NCL: variants seen among roughly 807,000 people sequenced by gnomAD.
NCL encodes the protein nucleolin multifunctional protein.
Under a neutral mutation model 77.7 loss-of-function variants are expected in NCL, and 4 were observed. That is an observed-to-expected ratio of 0.05 (90% CI 0.03 to 0.12). The LOEUF (loss-of-function observed/expected upper bound fraction) is 0.12, where lower values mean the gene tolerates loss of function less well. Ranked by LOEUF, NCL falls within the 10% of genes least tolerant of loss-of-function variation. The probability of loss-of-function intolerance (pLI) is 1.00; values close to 1 mark genes in which losing one functional copy is unlikely to be tolerated. For synonymous variants in NCL, 344 were observed against 297.8 expected (o/e 1.16, Z -1.60); for missense variants, 763 against 860.9 (o/e 0.89, Z 1.42).
In NCL at chr2:231,458,323, T is replaced by G. The variant is rs781232208; in HGVS notation, c.1232A>C (p.Glu411Ala). Residue 411 changes from glutamate (E) to alanine (A), a missense_variant, in exon 8 of 14, where the codon GAA becomes GCA. This residue lies in a region of NCL where 590 missense variants were observed against 570.5 expected (regional missense o/e 1.03). Transcript: ENST00000322723. ...PYKVTQDELK[E>A]VFEDAAEIRL... Reference sequence around the variant, plus strand: ...GATCTCCGCAGCATCTTCAAACACTTCTTTCAATTCATCCTGAGTGACTTT... The same window carrying G: ...GATCTCCGCAGCATCTTCAAACACTGCTTTCAATTCATCCTGAGTGACTTT... The G allele has an allele frequency of 1.1e-5, 17 of 1,614,120 alleles. No homozygotes were observed. Among genetic ancestry groups the G allele is most frequent in the Non-Finnish European group, 1.4e-5 (17 of 1,179,980 alleles).
chr2:231,462,902 G>A, intron 2 of NCL: 1 of 353,818 alleles, frequency 2.8e-6, no homozygotes, highest in South Asian at 2.7e-5. Flanking sequence ...CTCTACATGT[G>A]GGGGTGAGGC....
Position 231,456,547 on chromosome 2 carries a change from A to C in NCL, c.1705+84T>G, listed in dbSNP as rs767227672. ...CAGTTATTGTTCACTCAGTAGCAAC[A>C]GGAAACACAGAATTTGTGCAAAAAA... On this transcript the variant is annotated intron_variant, in intron 11 of 13. Transcript: ENST00000322723. The C allele has an allele frequency of 4.4e-6, 7 of 1,580,948 alleles. No individual in the cohort carries two copies. In the Admixed American group the frequency reaches 1.2e-4, roughly 26 times the overall value.
In NCL at chr2:231,462,000, C is replaced by T; in HGVS notation, c.153G>A (p.Lys51=). ...SSGEEVVIPQ[K]KGKKAAATSA... is the part of the protein sequence containing the mutation. ...AGGTTGCAGCAGCCTTCTTGCCTTT[C>T]TTCTGAGGTATGACGACCTTGAGAA... The change falls in exon 3 of 14, where the codon AAG becomes AAA. Residue 51 remains lysine, a synonymous_variant. Coordinates refer to ENST00000322723, the MANE Select transcript of NCL (RefSeq NM_005381.3). The T allele has an allele frequency of 6.2e-7, 1 of 1,614,112 alleles. No individual in the cohort carries two copies. The highest frequency in any genetic ancestry group is 1.1e-5 in the South Asian group (1 of 91,082).
At chr2:231,463,578 C>A in intron 1 of NCL, 2 of 465,574 alleles carry the variant, frequency 4.3e-6, no homozygotes, top group South Asian at 2.6e-5. Flanking sequence ...GATTTCTCCT[C>A]CCGTTACCTT....
chr2:231,462,054 C>T, intron 2 of NCL, 37 bp from the exon 3 acceptor site: 1 of 1,606,534 alleles, frequency 6.2e-7, no homozygotes, highest in South Asian at 1.1e-5. Flanking sequence ...GTAAGTCCAG[C>T]CCCACACCCA....
chr2:231,460,299 CA>C lies in NCL; in HGVS notation c.899-7del, dbSNP rs36009964. On this transcript the variant is annotated splice_polypyrimidine_tract_variant and splice_region_variant and intron_variant, in intron 5 of 13. Transcript: ENST00000322723. ...AGCCGTAGTCGGTTCTGTGCCTGCA[CA>C]AAAAAAGCTCAACTCAGTCTACTTG... 1.2e-6 allele frequency: 2 copies of C among 1,612,948 alleles called. No homozygotes were observed. The highest frequency in any genetic ancestry group is 4.5e-5 in the East Asian group (2 of 44,888).
chr2:231,461,431 C>A (rs1384795823), intron 3 of NCL, 109 bp downstream of exon 3: 1 of 1,498,060 alleles, frequency 6.7e-7, no homozygotes, highest in Non-Finnish European at 8.9e-7. Context: ...AGAATTCCCA[C>A]AAGGATTCTA....
Position 231,461,966 on chromosome 2 carries a change from T to G in NCL, c.187A>C (p.Lys63Gln). The G allele has an allele frequency of 6.2e-7, 1 of 1,614,240 alleles. No homozygotes were observed. Among genetic ancestry groups the G allele is most frequent in the South Asian group, 1.1e-5 (1 of 91,084 alleles). ...GKKAAATSAK[K>Q]VVVSPTKKVA... ...TTTTTTGTTGGGGAAACGACCACCT[T>G]CTTTGCTGAGGTTGCAGCAGCCTTC... The change falls in exon 3 of 14, where the codon AAG becomes CAG. Residue 63 changes from lysine to glutamine, a missense_variant. By Grantham distance (53) the Lys-to-Gln change is moderately conservative (BLOSUM62 1). Transcript: ENST00000322723.
In NCL at chr2:231,455,285, G is replaced by C; in HGVS notation, c.2057-18C>G. 6.2e-7 allele frequency: 1 copy of C among 1,614,078 alleles called. No homozygotes were observed. On this transcript the variant is annotated intron_variant, in intron 13 of 13. Transcript: ENST00000322723. ...TCCTCGCCCTACAGGAGGAAGGCAA[G>C]ACACTGTTAAAAGAATGGGTACAAA... is the stretch of plus-strand genomic sequence containing the variant.
At chr2:231,460,594 C>G in intron 4 of NCL, 30 bp from the exon 5 acceptor site, 6 of 1,614,204 alleles carry the variant, frequency 3.7e-6, no homozygotes, top group Non-Finnish European at 5.1e-6. Flanking sequence ...ATGTATCACA[C>G]ATCAGTAGCC....
rs769274621 is a variant in NCL, at chr2:231,455,643, T to C, written c.1833-19A>G. The C allele has an allele frequency of 1.7e-5, 27 of 1,612,786 alleles. No homozygotes were observed. In the African/African-American group the frequency reaches 2.7e-4, roughly 16 times the overall value. On this transcript the variant is annotated intron_variant, in intron 12 of 13. Coordinates refer to ENST00000322723, the MANE Select transcript of NCL (RefSeq NM_005381.3). ...ACCAAACCTAGAACACCAAATGAAA[T>C]TGCCCATTATAAAAAGCACCTACTA...
At chr2:231,459,494 CATT>C (rs750687378) in intron 6 of NCL, among the ~76,000 whole-genome samples, 4 of 152,002 alleles carry the variant, frequency 2.6e-5, no homozygotes, top group South Asian at 2.1e-4. Flanking sequence ...AGAAAATAAA[CATT>C]ATTTTAAATT....
At position 231,460,577 on chromosome 2, in the gene NCL, T is replaced by G. The variant is rs1016170127; in HGVS notation, c.812-13A>C. ...TCTTTGACAGGCTCTGGACAAGATG[T>G]CAAACAATGTATCACACATCAGTAG... On this transcript the variant is annotated splice_polypyrimidine_tract_variant and intron_variant, in intron 4 of 13. Transcript: ENST00000322723. 2 of 1,614,104 alleles carry G rather than the reference T, an allele frequency of 1.2e-6. No homozygotes were observed. Among genetic ancestry groups the G allele is most frequent in the Admixed American group, 1.7e-5 (1 of 60,008 alleles).
intron 6 of NCL, among the ~76,000 whole-genome samples, chr2:231,459,917 A>G (rs894570520): frequency 3.3e-5 from 5 of 151,720 alleles, no homozygotes; most frequent in African/African-American, 4.8e-5. Context: ...TACATAACAA[A>G]AACAACAAAA....
intron 3 of NCL, among the ~76,000 whole-genome samples, chr2:231,461,068 C>CAA (rs985439211): frequency 6.6e-6 from 1 of 152,052 alleles, no homozygotes; most frequent in African/African-American, 2.4e-5. Flanking sequence ...CACCTGAGGT[C>CAA]AAAAGTTCGA....
intron 12 of NCL, 129 bp from the exon 13 acceptor site, chr2:231,455,753 G>A (rs752984476): frequency 2.4e-6 from 3 of 1,232,162 alleles, no homozygotes; most frequent in Non-Finnish European, 3.6e-6. Flanking sequence ...ACCAGTGACA[G>A]AGTAGCTCTC....
In NCL at chr2:231,454,272, A is replaced by C. The variant is rs1192684008; in HGVS notation, c.*919T>G. On this transcript the variant is annotated 3_prime_UTR_variant, in exon 14 of 14. Coordinates refer to ENST00000322723, the MANE Select transcript of NCL (RefSeq NM_005381.3). ...GTGACTCTCCCGCTTCAGCCTCCTG[A>C]GTAGCTGGGACTACAGGAGTACACC... 1 of 152,278 alleles carries C rather than the reference A, an allele frequency of 6.6e-6. No homozygotes were observed. The highest frequency in any genetic ancestry group is 1.9e-4 in the East Asian group (1 of 5,198). 9.4% of individuals were successfully genotyped at this position (152,278 alleles called of 1,614,324 possible).
Position 231,461,559 on chromosome 2 carries a change from GTCA to G in NCL, c.591_593del (p.Asp201del). 1 of 1,613,278 alleles carries G rather than the reference GTCA, an allele frequency of 6.2e-7. No individual in the cohort carries two copies. ...CCTTACCATCTTCCTCATCGTCATC[GTCA>G]TCCTCATCATCTTCGTCATCCTCAT... On this transcript the variant is annotated inframe_deletion, in exon 3 of 14. Transcript: ENST00000322723.
chr2:231,455,855 G>T, intron 12 of NCL, 155 bp downstream of exon 12: 1 of 1,304,916 alleles, frequency 7.7e-7, no homozygotes, highest in Non-Finnish European at 1.1e-6. Context: ...GTAAAATAAT[G>T]CTAGTTCTGT....
Sources: gnomAD v4.1 joint callset for allele counts (sites outside exome capture counted in the v4.1 genomes callset) on GRCh38, gnomAD v4.1.1 for gene constraint, gnomAD v4.1.1 regional missense constraint, MANE v1.5 for transcripts, NCBI Gene and HGNC (gene_info 2026-07-23, HGNC 2026-07-21) for gene names.